The following RIC3 variants were observed in gnomAD, a reference collection of about 807,000 sequenced individuals.
RIC3 encodes the protein protein RIC-3.
Under a neutral mutation model 27.3 loss-of-function variants are expected in RIC3, and 28 were observed. The ratio of observed to expected loss-of-function variants is 1.02; its 90% CI spans 0.76 to 1.41. The LOEUF (loss-of-function observed/expected upper bound fraction) is 1.41. Among genes scored for constraint, RIC3 ranks in the 40% most tolerant of loss-of-function variants. The pLI, the probability that RIC3 is intolerant of heterozygous loss-of-function variation, is 0.00. For missense variants in RIC3, 501 were observed against 444.7 expected, an observed-to-expected ratio of 1.13 and a Z score of -1.14; for synonymous variants, 184 against 160.4, an observed-to-expected ratio of 1.15 and a Z score of -1.11.
chr11:8,118,527 T>TAAAAAAAAAA (rs11378233), intron 5 of RIC3, among the ~76,000 whole-genome samples: 1 of 66,680 alleles, frequency 1.5e-5, no homozygotes, highest in Non-Finnish European at 2.8e-5. Flanking sequence ...GCCATAATTG[T>TAAAAAAAAAA]AAAAAAAAAA....
chr11:8,096,544 T>C, the RIC3 span: 1 of 696,436 alleles, frequency 1.4e-6, no homozygotes, highest in South Asian at 1.6e-5. Context: ...TCTATATGTG[T>C]AGATATGGCT....
intron 4 of RIC3, among the ~76,000 whole-genome samples, chr11:8,129,014 A>G (rs374428471): frequency 6.6e-5 from 10 of 152,090 alleles, no homozygotes; most frequent in Admixed American, 5.9e-4. Context: ...TCGGCCTCCC[A>G]AAGTGCTGGG....
the RIC3 span, chr11:8,096,845 G>C: frequency 6.2e-7 from 1 of 1,607,474 alleles, no homozygotes; most frequent in Non-Finnish European, 8.5e-7. Flanking sequence ...GTTTTTGGAG[G>C]ACTGCTCATC....
At chr11:8,139,909 T>C (rs753640116) in intron 2 of RIC3, 58 bp downstream of exon 2, 2 of 1,459,684 alleles carry the variant, frequency 1.4e-6, no homozygotes, top group South Asian at 1.2e-5. Flanking sequence ...TAGACAATGA[T>C]TTTTATTGCC....
chr11:8,098,145 A>G, the RIC3 span, among the ~76,000 whole-genome samples: 4 of 151,922 alleles, frequency 2.6e-5, no homozygotes, highest in African/African-American at 9.7e-5. Flanking sequence ...TCCATGGTCA[A>G]TGCCAAGGGA....
At chr11:8,163,999 T>C (rs1176290569) in intron 1 of RIC3, among the ~76,000 whole-genome samples, 1 of 152,174 alleles carries the variant, frequency 6.6e-6, no homozygotes, top group Admixed American at 6.5e-5. Context: ...TAAGGATAAG[T>C]ATACAGATTA....
At chr11:8,099,473 T>C in the RIC3 span, among the ~76,000 whole-genome samples, 1 of 152,184 alleles carries the variant, frequency 6.6e-6, no homozygotes, top group Admixed American at 6.5e-5. Context: ...CACAGCTACT[T>C]TGTATGATCC....
intron 4 of RIC3, among the ~76,000 whole-genome samples, chr11:8,128,750 CTTTTTT>C (rs1177448703): frequency 9.0e-5 from 8 of 88,502 alleles, no homozygotes; most frequent in South Asian, 4.0e-4. Flanking sequence ...GTTGCAAAAA[CTTTTTT>C]TTTTTTTTTT....
Position 8,168,972 on chromosome 11 carries a change from C to T in RIC3, c.18G>A (p.Val6=), listed in dbSNP as rs1952027993. 12 of 1,604,176 alleles carry T rather than the reference C, an allele frequency of 7.5e-6. No individual in the cohort carries two copies. The highest frequency in any genetic ancestry group is 1.0e-5 in the Non-Finnish European group (12 of 1,175,910). MAYST[V]QRVALASGLV... ...GCCCAGAAGCCAGAGCGACTCTCTGCACTGTGGAGTACGCCATGACTGCTC... is the reference window on the plus strand; with the variant it reads ...GCCCAGAAGCCAGAGCGACTCTCTGTACTGTGGAGTACGCCATGACTGCTC... The change falls in exon 1 of 6, where the codon GTG becomes GTA. Residue 6 remains valine, a synonymous_variant. Coordinates refer to ENST00000309737, the MANE Select transcript of RIC3 (RefSeq NM_001206671.4).
At position 8,112,294 on chromosome 11, in the gene RIC3, C is replaced by CTTT. The variant is rs11376341; in HGVS notation, c.671-1160_671-1158dup. Among the ~76,000 whole-genome samples, 8 of 124,330 alleles carry CTTT rather than the reference C, an allele frequency of 6.4e-5. No homozygotes were observed. The East Asian group carries it at 8.8e-4, about 14-fold the overall frequency. 81.6% of individuals were successfully genotyped at this position (124,330 alleles called of 152,430 possible). On this transcript the variant is annotated intron_variant, in intron 5 of 5. Coordinates refer to ENST00000309737, the MANE Select transcript of RIC3 (RefSeq NM_001206671.4). ...ATTTTCTTTTCTTTTCTTTTCTTTTCTTTTTTTTTTTTTGAGACGGAGTCT... is the reference window on the plus strand; with the variant it reads ...ATTTTCTTTTCTTTTCTTTTCTTTTCTTTTTTTTTTTTTTTTGAGACGGAGTCT...
chr11:8,119,945 C>T (rs1275364190), intron 5 of RIC3, among the ~76,000 whole-genome samples: 1 of 151,990 alleles, frequency 6.6e-6, no homozygotes, highest in East Asian at 1.9e-4. Context: ...TGAAAAAATG[C>T]TCATCACTGG....
intron 4 of RIC3, 182 bp from the exon 5 acceptor site, chr11:8,126,989 T>C: frequency 1.4e-6 from 1 of 710,970 alleles, no homozygotes; most frequent in Non-Finnish European, 2.3e-6. Context: ...ATGCTTTGAT[T>C]TTATAAATGG....
chr11:8,155,912 T>C (rs1455424621), intron 1 of RIC3, among the ~76,000 whole-genome samples: 2 of 152,154 alleles, frequency 1.3e-5, no homozygotes, highest in Non-Finnish European at 1.5e-5. Flanking sequence ...GCCAAGACAA[T>C]AGCTGTTTCT....
chr11:8,142,057 G>A (rs1371120684), intron 1 of RIC3, among the ~76,000 whole-genome samples: 1 of 150,102 alleles, frequency 6.7e-6, no homozygotes, highest in Non-Finnish European at 1.5e-5. Context: ...AGCACTAAAT[G>A]CCCACAGGAG....
At chr11:8,113,638 GC>G (rs903118761) in intron 5 of RIC3, among the ~76,000 whole-genome samples, 2 of 152,050 alleles carry the variant, frequency 1.3e-5, no homozygotes, top group African/African-American at 4.8e-5. Context: ...CTTCAGGTTG[GC>G]CCCTGCATTC....
At chr11:8,104,619 C>A (rs1275851084), downstream of RIC3, 2 of 152,148 alleles carry the variant, frequency 1.3e-5, no homozygotes, top group Non-Finnish European at 2.9e-5. Context: ...TGGGAAGATA[C>A]CAGCTTTTTC....
chr11:8,098,835 A>C, the RIC3 span: 1 of 1,614,180 alleles, frequency 6.2e-7, no homozygotes, highest in South Asian at 1.1e-5. Flanking sequence ...TCCACTTTGG[A>C]AAGTGGAACC....
intron 5 of RIC3, among the ~76,000 whole-genome samples, chr11:8,115,423 C>G (rs184227468): frequency 3.2e-4 from 49 of 152,186 alleles, no homozygotes; most frequent in Admixed American, 3.1e-3. Context: ...CTTATCCCCA[C>G]AAGATCTATC....
chr11:8,160,807 T>C (rs1951095895), intron 1 of RIC3, among the ~76,000 whole-genome samples: 1 of 152,210 alleles, frequency 6.6e-6, no homozygotes, highest in Admixed American at 6.5e-5. Context: ...CACTTGCACC[T>C]AGGTCATACC....
Sources: gnomAD v4.1 joint callset for allele counts (sites outside exome capture counted in the v4.1 genomes callset) on GRCh38, gnomAD v4.1.1 for gene constraint, MANE v1.5 for transcripts, NCBI Gene and HGNC (gene_info 2026-07-23, HGNC 2026-07-21) for gene names.